The following EBF1 variants were observed in gnomAD, a reference collection of about 807,000 sequenced individuals.
The protein encoded by EBF1 is EBF transcription factor 1.
In EBF1, 10 loss-of-function variants were observed where a neutral mutation model predicts 68.4. The observed-to-expected ratio is 0.15, with a 90% CI of 0.09 to 0.25. EBF1 has a LOEUF of 0.25. EBF1 is among the 10% of genes least tolerant of loss of function. EBF1 has a pLI of 1.00. For synonymous variants in EBF1, 298 were observed against 299.8 expected (o/e 0.99, Z 0.06); for missense variants, 509 against 794.4 (o/e 0.64, Z 4.32).
chr5:158,713,485 G>C (rs528050912), intron 12 of EBF1, among the ~76,000 whole-genome samples: 1 of 152,222 alleles, frequency 6.6e-6, no homozygotes, highest in African/African-American at 2.4e-5. Context: ...AGCACCATGG[G>C]GTTTTCCATC....
At chr5:158,895,433 T>G (rs577003258) in intron 6 of EBF1, among the ~76,000 whole-genome samples, 1 of 152,318 alleles carries the variant, frequency 6.6e-6, no homozygotes, top group African/African-American at 2.4e-5. Context: ...AAGTTAATAC[T>G]AATATCAGTG....
intron 6 of EBF1, among the ~76,000 whole-genome samples, chr5:159,069,135 TA>T (rs1777376627): frequency 1.3e-5 from 2 of 152,020 alleles, no homozygotes; most frequent in Admixed American, 1.3e-4. Context: ...ATTATATCCT[TA>T]AAAAACTAGG....
intron 6 of EBF1, among the ~76,000 whole-genome samples, chr5:158,862,654 C>G (rs1562149495): frequency 6.6e-6 from 1 of 152,092 alleles, no homozygotes; most frequent in Non-Finnish European, 1.5e-5. Context: ...CACCAAGATA[C>G]CATGTCCAAG....
intron 6 of EBF1, among the ~76,000 whole-genome samples, chr5:158,860,777 G>T (rs543922016): frequency 6.6e-6 from 1 of 152,114 alleles, no homozygotes; most frequent in Non-Finnish European, 1.5e-5. Context: ...CGCATCTTGC[G>T]TCTCTGTTGC....
chr5:158,941,142 G>A (rs776347198), intron 6 of EBF1: 175 of 454,880 alleles, frequency 3.8e-4, no homozygotes, highest in Non-Finnish European at 4.3e-4. Flanking sequence ...CATATGGCAC[G>A]TGGGGCTTTT....
At chr5:158,947,610 A>T (rs944519575) in intron 6 of EBF1, among the ~76,000 whole-genome samples, 3 of 152,190 alleles carry the variant, frequency 2.0e-5, no homozygotes, top group African/African-American at 7.2e-5. Flanking sequence ...TCTCACTGGG[A>T]GCTGCAGACA....
At chr5:158,864,391 G>A (rs1270660363) in intron 6 of EBF1, among the ~76,000 whole-genome samples, 1 of 151,324 alleles carries the variant, frequency 6.6e-6, no homozygotes, top group African/African-American at 2.5e-5. Context: ...GGAAACTGCT[G>A]TAAAAATGAG....
chr5:158,732,778 T>A (rs959202636), intron 10 of EBF1, among the ~76,000 whole-genome samples: 5 of 152,158 alleles, frequency 3.3e-5, no homozygotes, highest in Admixed American at 6.5e-5. Flanking sequence ...AAGATTTTTT[T>A]CCCCCAAATG....
Position 158,712,140 on chromosome 5 carries a change from G to T in EBF1, c.1549+14C>A. 1 of 1,613,206 alleles carries T rather than the reference G, an allele frequency of 6.2e-7. No individual in the cohort carries two copies. Among genetic ancestry groups the T allele is most frequent in the East Asian group, 2.2e-5 (1 of 44,848 alleles). ...CGAAACGTGCAGGAACGCAGGATATGCATCTCTACTTACTGGCATAGGGGG... is the reference window on the plus strand; with the variant it reads ...CGAAACGTGCAGGAACGCAGGATATTCATCTCTACTTACTGGCATAGGGGG... On this transcript the variant is annotated intron_variant, in intron 14 of 15. Transcript: ENST00000313708.
chr5:158,791,305 C>T (rs1376586815), intron 9 of EBF1, among the ~76,000 whole-genome samples: 1 of 113,048 alleles, frequency 8.8e-6, no homozygotes, highest in African/African-American at 3.6e-5. Context: ...AGCAACAGAG[C>T]AAGATTCCAT....
intron 6 of EBF1, among the ~76,000 whole-genome samples, chr5:159,055,646 C>A (rs571718701): frequency 1.3e-5 from 2 of 152,150 alleles, no homozygotes; most frequent in Non-Finnish European, 2.9e-5. Flanking sequence ...AGGGAATTAA[C>A]CTACACTAAA....
intron 6 of EBF1, among the ~76,000 whole-genome samples, chr5:158,931,347 C>G (rs1337901242): frequency 2.0e-5 from 3 of 152,306 alleles, no homozygotes; most frequent in Non-Finnish European, 4.4e-5. Context: ...GGGATTTTGT[C>G]AATACACTTA....
intron 9 of EBF1, among the ~76,000 whole-genome samples, chr5:158,779,316 C>T (rs1775935830): frequency 6.6e-6 from 1 of 151,858 alleles, no homozygotes; most frequent in African/African-American, 2.4e-5. Context: ...CAAGTCAGAG[C>T]AAAAGGCAAC....
chr5:159,034,100 A>G (rs1769516982), intron 6 of EBF1, among the ~76,000 whole-genome samples: 1 of 152,172 alleles, frequency 6.6e-6, no homozygotes, highest in Non-Finnish European at 1.5e-5. Context: ...CTAAAATTCA[A>G]CATCAAAAAA....
intron 7 of EBF1, among the ~76,000 whole-genome samples, chr5:158,829,905 C>T (rs1233144264): frequency 6.6e-6 from 1 of 152,196 alleles, no homozygotes; most frequent in East Asian, 1.9e-4. Flanking sequence ...ATTCAGTTAA[C>T]TTTCCCTTGT....
intron 10 of EBF1, among the ~76,000 whole-genome samples, chr5:158,762,309 C>T (rs1431663388): frequency 6.6e-6 from 1 of 152,146 alleles, no homozygotes; most frequent in East Asian, 1.9e-4. Flanking sequence ...AAATGAGCTA[C>T]CCTTAATTAG....
chr5:159,024,677 G>C (rs997170204), intron 6 of EBF1, among the ~76,000 whole-genome samples: 1 of 152,196 alleles, frequency 6.6e-6, no homozygotes, highest in Non-Finnish European at 1.5e-5. Flanking sequence ...TCTCAAAAGA[G>C]TAATATTGAC....
intron 6 of EBF1, among the ~76,000 whole-genome samples, chr5:158,909,245 C>T (rs1230504666): frequency 6.6e-6 from 1 of 152,124 alleles, no homozygotes; most frequent in African/African-American, 2.4e-5. Context: ...GCAACATATA[C>T]TCAGGTTAGG....
intron 6 of EBF1, among the ~76,000 whole-genome samples, chr5:159,057,369 A>T (rs1774968315): frequency 6.6e-6 from 1 of 152,010 alleles, no homozygotes; most frequent in Non-Finnish European, 1.5e-5. Flanking sequence ...AGCCTCCAAA[A>T]GTGCTGGGAT....
Sources: gnomAD v4.1 joint callset for allele counts (sites outside exome capture counted in the v4.1 genomes callset) on GRCh38, gnomAD v4.1.1 for gene constraint, MANE v1.5 for transcripts, NCBI Gene and HGNC (gene_info 2026-07-23, HGNC 2026-07-21) for gene names.